Variants in DNER observed in about 807,000 individuals in gnomAD.
The protein encoded by DNER is delta and Notch-like epidermal growth factor-related receptor.
In DNER, 33 loss-of-function variants were observed where a neutral mutation model predicts 78.2. That is an observed-to-expected ratio of 0.42 (90% CI 0.32 to 0.56). The LOEUF (loss-of-function observed/expected upper bound fraction) is 0.56, where lower values mean the gene tolerates loss of function less well. Ranked by LOEUF, DNER falls within the 20% of genes least tolerant of loss-of-function variation. The pLI is 0.11. For missense variants in DNER, 918 were observed against 975.3 expected (o/e 0.94, Z 0.78); for synonymous variants, 417 against 384.8 (o/e 1.08, Z -0.98).
intron 1 of DNER, among the ~76,000 whole-genome samples, chr2:229,668,116 C>G (rs1014325526): frequency 1.3e-5 from 2 of 152,128 alleles, no homozygotes; most frequent in African/African-American, 4.8e-5. Flanking sequence ...TGAGATCACA[C>G]TGTCATGACT....
At chr2:229,647,229 G>C (rs2154216164) in intron 1 of DNER, among the ~76,000 whole-genome samples, 1 of 152,296 alleles carries the variant, frequency 6.6e-6, no homozygotes, top group South Asian at 2.1e-4. Context: ...GTTCCGGGAT[G>C]GCCTAAGGAG....
chr2:229,630,845 T>C (rs1205193166), intron 1 of DNER, among the ~76,000 whole-genome samples: 1 of 152,138 alleles, frequency 6.6e-6, no homozygotes, highest in African/African-American at 2.4e-5. Context: ...TTATGTCCAC[T>C]GTACCCAGTA....
chr2:229,528,191 TCCCTGCTCACTCA>T (rs1313820252), intron 5 of DNER, among the ~76,000 whole-genome samples: 1 of 152,100 alleles, frequency 6.6e-6, no homozygotes, highest in Non-Finnish European at 1.5e-5. Flanking sequence ...GCCAGAAGGG[TCCCTGCTCACTCA>T]AAAGACGATG....
At chr2:229,654,015 G>A (rs1009321428) in intron 1 of DNER, among the ~76,000 whole-genome samples, 2 of 152,154 alleles carry the variant, frequency 1.3e-5, no homozygotes, top group South Asian at 2.1e-4. Flanking sequence ...TATGCACAAC[G>A]TGCAGGTTTG....
chr2:229,605,747 C>A (rs1697922913), intron 1 of DNER, among the ~76,000 whole-genome samples: 1 of 151,560 alleles, frequency 6.6e-6, no homozygotes, highest in African/African-American at 2.4e-5. Context: ...CAAAAACTAG[C>A]TGGGCATGGT....
intron 6 of DNER, among the ~76,000 whole-genome samples, chr2:229,486,842 G>A (rs12620995): frequency 0.063 from 9,549 of 152,170 alleles, 540 homozygotes; most frequent in East Asian, 0.28. Context: ...CTGGGAACTC[G>A]TTACAAATGC....
intron 1 of DNER, among the ~76,000 whole-genome samples, chr2:229,621,630 A>G (rs921419226): frequency 3.3e-5 from 5 of 150,220 alleles, no homozygotes; most frequent in Admixed American, 1.3e-4. Context: ...AGCCATGCCT[A>G]CTACAATATT....
intron 1 of DNER, among the ~76,000 whole-genome samples, chr2:229,711,271 G>A (rs1317064652): frequency 1.1e-4 from 17 of 152,140 alleles, no homozygotes; most frequent in Non-Finnish European, 2.4e-4. Context: ...AGAGGAAGGG[G>A]AGAGGTGAGG....
In DNER at chr2:229,714,280, G is replaced by A. The variant is rs1173583377; in HGVS notation, c.144C>T (p.Cys48=). Residue 48 remains cysteine (C), a synonymous_variant, in exon 1 of 13, where the codon TGC becomes TGT. Transcript: ENST00000341772. Reference sequence around the variant, plus strand: ...CCCCATTCCGGCAGGGCTGCGCGGCGCACGGCCCGGGCGCAGACAGGGGCG... The same window carrying A: ...CCCCATTCCGGCAGGGCTGCGCGGCACACGGCCCGGGCGCAGACAGGGGCG... ...PAAPLSAPGP[C]AAQPCRNGGV... is the part of the protein sequence containing the mutation. 2 of 1,373,868 alleles carry A rather than the reference G, an allele frequency of 1.5e-6. No homozygotes were observed. The highest frequency in any genetic ancestry group is 1.9e-6 in the Non-Finnish European group (2 of 1,064,172). The allele number at this position is 1,373,868 out of a possible 1,614,324, so 85.1% of individuals were successfully genotyped here. A position where few individuals can be genotyped will look rare whatever the true frequency, so the allele number is the denominator to read the frequency against.
intron 8 of DNER, among the ~76,000 whole-genome samples, chr2:229,419,747 T>G (rs1693725056): frequency 6.6e-6 from 1 of 151,984 alleles, no homozygotes; most frequent in African/African-American, 2.4e-5. Context: ...TATGTTACCC[T>G]ACTTTTTGTA....
chr2:229,693,436 C>A (rs551407751), intron 1 of DNER, among the ~76,000 whole-genome samples: 1 of 151,506 alleles, frequency 6.6e-6, no homozygotes, highest in Admixed American at 6.6e-5. Context: ...GTAAAGATAC[C>A]CAAAAATGTG....
intron 7 of DNER, among the ~76,000 whole-genome samples, chr2:229,464,816 T>C (rs371158019): frequency 1.2e-4 from 18 of 152,152 alleles, no homozygotes; most frequent in Admixed American, 3.9e-4. Context: ...GAGAGAGCCA[T>C]GTGAGGGCCC....
At chr2:229,633,615 C>T (rs1036380533) in intron 1 of DNER, among the ~76,000 whole-genome samples, 6 of 152,190 alleles carry the variant, frequency 3.9e-5, no homozygotes, top group African/African-American at 1.4e-4. Context: ...TGAAACAAAG[C>T]CACAATGTGA....
intron 1 of DNER, among the ~76,000 whole-genome samples, chr2:229,712,998 G>T (rs989694223): frequency 6.6e-6 from 1 of 152,104 alleles, no homozygotes. Flanking sequence ...ATAATGAAAG[G>T]GCAGCCTTTT....
intron 4 of DNER, among the ~76,000 whole-genome samples, chr2:229,573,779 G>A (rs1293807421): frequency 6.6e-6 from 1 of 152,090 alleles, no homozygotes; most frequent in Non-Finnish European, 1.5e-5. Context: ...ATGTGATAGC[G>A]TCCATGAAAG....
rs189965201 is a variant in DNER at position 229,633,044 on chromosome 2, G to T, written c.277-41156C>A. On this transcript the variant is annotated intron_variant, in intron 1 of 12. Transcript: ENST00000341772. The stretch of plus-strand genomic sequence containing the variant: ...AACATTACCTATGATGTTGTAAATT[G>T]GTACCCTTCTTTAGGAAACCTATGA... 4.1e-4 allele frequency among the ~76,000 whole-genome samples: 62 copies of T among 152,216 alleles called. 1 individual carries two copies. The highest frequency in any genetic ancestry group is 3.4e-3 in the Middle Eastern group (1 of 294).
chr2:229,651,561 C>T (rs148559774), intron 1 of DNER, among the ~76,000 whole-genome samples: 1 of 152,324 alleles, frequency 6.6e-6, no homozygotes, highest in Non-Finnish European at 1.5e-5. Context: ...CCGAAGGACC[C>T]AGCCAGGTCT....
chr2:229,618,026 T>G (rs13387887), intron 1 of DNER, among the ~76,000 whole-genome samples: 298 of 152,324 alleles, frequency 2.0e-3, no homozygotes, highest in Middle Eastern at 6.8e-3. Context: ...ACCCCTGGGC[T>G]TTTGTTGCTA....
At chr2:229,516,155 T>C (rs1159440958) in intron 5 of DNER, among the ~76,000 whole-genome samples, 2 of 152,238 alleles carry the variant, frequency 1.3e-5, no homozygotes, top group African/African-American at 4.8e-5. Flanking sequence ...CATAAAATTT[T>C]AGTTAAATAT....
Sources: gnomAD v4.1 joint callset for allele counts (sites outside exome capture counted in the v4.1 genomes callset) on GRCh38, gnomAD v4.1.1 for gene constraint, MANE v1.5 for transcripts, NCBI Gene and HGNC (gene_info 2026-07-23, HGNC 2026-07-21) for gene names.